The following PIBF1 variants were observed in gnomAD, a reference collection of about 807,000 sequenced individuals.
PIBF1 encodes progesterone immunomodulatory binding factor 1, also known as progesterone-induced-blocking factor 1.
A neutral mutation model predicts 112.5 loss-of-function variants in PIBF1; 90 were observed. The ratio of observed to expected loss-of-function variants is 0.80; its 90% CI spans 0.67 to 0.95. PIBF1 has a LOEUF of 0.95. Among genes scored for constraint, PIBF1 ranks in the 40% least tolerant of loss-of-function variants. The pLI is 0.00. For synonymous variants in PIBF1, 301 were observed against 288.6 expected (o/e 1.04, Z -0.44); for missense variants, 915 against 852.3 (o/e 1.07, Z -0.92).
At chr13:72,872,970 T>C (rs1049727268) in intron 10 of PIBF1, among the ~76,000 whole-genome samples, 3 of 152,154 alleles carry the variant, frequency 2.0e-5, no homozygotes, top group African/African-American at 7.2e-5. Flanking sequence ...GAGTAAGATA[T>C]CATGTTCATA....
chr13:72,980,650 C>T (rs1217992371), intron 16 of PIBF1, among the ~76,000 whole-genome samples: 1 of 151,556 alleles, frequency 6.6e-6, no homozygotes, highest in African/African-American at 2.4e-5. Flanking sequence ...CATAAATTAG[C>T]CAGGCCTGGG....
At chr13:72,820,272 C>T (rs374735713) in intron 5 of PIBF1, among the ~76,000 whole-genome samples, 1 of 152,054 alleles carries the variant, frequency 6.6e-6, no homozygotes, top group Non-Finnish European at 1.5e-5. Flanking sequence ...GCTTGCCTTC[C>T]TAGCCATAAC....
intron 6 of PIBF1, among the ~76,000 whole-genome samples, chr13:72,825,963 G>A (rs981571311): frequency 5.3e-5 from 8 of 150,166 alleles, no homozygotes; most frequent in African/African-American, 1.7e-4. Flanking sequence ...TAACTCTCTG[G>A]CAGGCTGAGG....
At chr13:72,970,839 C>T (rs2042869123) in intron 15 of PIBF1, 1 of 152,068 alleles carries the variant, frequency 6.6e-6, no homozygotes, top group South Asian at 2.1e-4. Context: ...AAGGTTGTCT[C>T]CCTGTGGTTC....
Position 72,854,257 on chromosome 13 carries a change from A to T in PIBF1, c.1322+102A>T, listed in dbSNP as rs920188170. 5 of 703,040 alleles carry T rather than the reference A, an allele frequency of 7.1e-6. No individual in the cohort carries two copies. In the African/African-American group the frequency reaches 9.0e-5, roughly 13 times the overall value. 43.6% of individuals were successfully genotyped at this position (703,040 alleles called of 1,614,324 possible). A position where few individuals can be genotyped will look rare whatever the true frequency, so the allele number is the denominator to read the frequency against. On this transcript the variant is annotated intron_variant, in intron 10 of 17. Coordinates refer to ENST00000326291, the MANE Select transcript of PIBF1 (RefSeq NM_006346.4). ...TTAAGGAGAGAATAATTTTCATTTC[A>T]ATTGAGGAGAGACTAATTTTCATTT... is the stretch of plus-strand genomic sequence containing the variant.
intron 16 of PIBF1, among the ~76,000 whole-genome samples, chr13:72,983,029 T>C (rs1001354363): frequency 1.3e-5 from 2 of 152,186 alleles, no homozygotes; most frequent in Non-Finnish European, 2.9e-5. Flanking sequence ...ATTTGTGGAA[T>C]ATAAAACATC....
At chr13:72,836,657 G>T (rs1183305063) in intron 9 of PIBF1, among the ~76,000 whole-genome samples, 1 of 152,048 alleles carries the variant, frequency 6.6e-6, no homozygotes. Context: ...CCTCTGAGGG[G>T]TATGATTTTA....
chr13:72,865,069 C>T (rs771654426), intron 10 of PIBF1, among the ~76,000 whole-genome samples: 4 of 151,966 alleles, frequency 2.6e-5, no homozygotes, highest in Non-Finnish European at 4.4e-5. Flanking sequence ...AAATGGTTAC[C>T]ATTTTTAAAT....
chr13:72,791,852 T>C (rs952592110), intron 2 of PIBF1, among the ~76,000 whole-genome samples: 1 of 151,948 alleles, frequency 6.6e-6, no homozygotes, highest in Non-Finnish European at 1.5e-5. Flanking sequence ...CAGGCTTATC[T>C]TGAACTCCCG....
At chr13:72,931,037 A>G (rs904559339) in intron 13 of PIBF1, 128 bp from the exon 14 acceptor site, 8 of 627,108 alleles carry the variant, frequency 1.3e-5, no homozygotes, top group African/African-American at 5.6e-5. Flanking sequence ...ATTTGACTCT[A>G]TATTTTTTCT....
At chr13:72,791,607 T>A (rs772200502) in intron 2 of PIBF1, among the ~76,000 whole-genome samples, 49 of 152,056 alleles carry the variant, frequency 3.2e-4, no homozygotes, top group Non-Finnish European at 5.6e-4. Flanking sequence ...ACAGTGAGGA[T>A]CCTCTGAAGA....
chr13:72,830,644 A>C (rs557492654), intron 8 of PIBF1, among the ~76,000 whole-genome samples: 2 of 152,286 alleles, frequency 1.3e-5, no homozygotes, highest in South Asian at 4.1e-4. Flanking sequence ...ATGGTGGATA[A>C]GCTTTTTCAT....
intron 10 of PIBF1, among the ~76,000 whole-genome samples, chr13:72,885,794 G>T (rs9573054): frequency 6.6e-6 from 1 of 152,058 alleles, no homozygotes; most frequent in South Asian, 2.1e-4. Context: ...GTCCTCCCTG[G>T]TTAGGCTAGG....
At chr13:72,995,873 T>C (rs1345256596) in intron 16 of PIBF1, among the ~76,000 whole-genome samples, 1 of 150,274 alleles carries the variant, frequency 6.7e-6, no homozygotes, top group Non-Finnish European at 1.5e-5. Context: ...TGCTTGAACC[T>C]GGGAGGCGGA....
chr13:73,010,655 G>A (rs1327377326), intron 17 of PIBF1, among the ~76,000 whole-genome samples: 1 of 151,718 alleles, frequency 6.6e-6, no homozygotes, highest in Non-Finnish European at 1.5e-5. Flanking sequence ...CTATGACCAA[G>A]AATAGTGACA....
At chr13:73,013,299 T>A (rs1594370815) in intron 17 of PIBF1, among the ~76,000 whole-genome samples, 1 of 49,574 alleles carries the variant, frequency 2.0e-5, no homozygotes, top group Non-Finnish European at 3.1e-5. Flanking sequence ...AGACTCTGTC[T>A]CAAAAAAAAA....
At chr13:72,865,721 T>C (rs1165865051) in intron 10 of PIBF1, among the ~76,000 whole-genome samples, 2 of 152,202 alleles carry the variant, frequency 1.3e-5, no homozygotes, top group African/African-American at 2.4e-5. Context: ...GAGCCATAAT[T>C]ACACATCTGT....
At chr13:72,849,358 G>A (rs895123667) in intron 9 of PIBF1, among the ~76,000 whole-genome samples, 1 of 152,186 alleles carries the variant, frequency 6.6e-6, no homozygotes, top group Non-Finnish European at 1.5e-5. Flanking sequence ...TCGTTAGCTT[G>A]TACATGCTAC....
intron 10 of PIBF1, among the ~76,000 whole-genome samples, chr13:72,892,912 T>C (rs1378852803): frequency 6.6e-6 from 1 of 152,074 alleles, no homozygotes; most frequent in Non-Finnish European, 1.5e-5. Context: ...ACCATTGAAT[T>C]TTCGTGTTTA....
Sources: gnomAD v4.1 joint callset for allele counts (sites outside exome capture counted in the v4.1 genomes callset) on GRCh38, gnomAD v4.1.1 for gene constraint, MANE v1.5 for transcripts, NCBI Gene and HGNC (gene_info 2026-07-23, HGNC 2026-07-21) for gene names.